Variants in RNF150 observed in about 807,000 individuals in gnomAD.
The protein encoded by RNF150 is ring finger protein 150.
A neutral mutation model predicts 39.3 loss-of-function variants in RNF150; 24 were observed. The observed-to-expected ratio is 0.61, with a 90% CI of 0.44 to 0.86. RNF150 has a LOEUF of 0.86. Ranked by LOEUF, RNF150 falls within the 40% of genes least tolerant of loss-of-function variation. The pLI, the probability that RNF150 is intolerant of heterozygous loss-of-function variation, is 0.00. For missense variants in RNF150, 502 were observed against 587.8 expected, an observed-to-expected ratio of 0.85 and a Z score of 1.51; for synonymous variants, 255 against 227.3, an observed-to-expected ratio of 1.12 and a Z score of -1.10.
intron 5 of RNF150, 77 bp from the exon 6 acceptor site, chr4:140,911,431 T>C (rs1730602240): frequency 2.4e-6 from 3 of 1,232,706 alleles, no homozygotes; most frequent in South Asian, 3.0e-5. Context: ...CTAAACATTC[T>C]GTCTCCATGA....
chr4:141,196,465 T>C (rs1415905024), intron 1 of RNF150, among the ~76,000 whole-genome samples: 3 of 152,200 alleles, frequency 2.0e-5, no homozygotes, highest in African/African-American at 7.2e-5. Flanking sequence ...TCCTGCCACC[T>C]AGATATTCAG....
rs1455758586 is a variant in RNF150, at chr4:141,183,602, A to ATG, written c.-6+29190_-6+29191dup. Among the ~76,000 whole-genome samples the ATG allele has an allele frequency of 3.9e-5, 6 of 152,142 alleles. No individual in the cohort carries two copies. In the South Asian group the frequency reaches 8.3e-4, roughly 21 times the overall value. On this transcript the variant is annotated intron_variant, in intron 1 of 7. Transcript: ENST00000420921. ...TGCAGAATGTGCAGGTTTGTTATAT[A>ATG]TGTATACATGTGCCATGGTACTGTT...
At chr4:140,870,595 T>C (rs901887362) in intron 6 of RNF150, among the ~76,000 whole-genome samples, 2 of 151,908 alleles carry the variant, frequency 1.3e-5, no homozygotes, top group African/African-American at 2.4e-5. Context: ...CATGCCTGAT[T>C]TGTGCTTGTT....
chr4:141,073,134 G>T (rs966536524), intron 1 of RNF150, among the ~76,000 whole-genome samples: 1 of 151,912 alleles, frequency 6.6e-6, no homozygotes, highest in African/African-American at 2.4e-5. Flanking sequence ...ATGGTACCAA[G>T]TAGAAGACAG....
intron 1 of RNF150, among the ~76,000 whole-genome samples, chr4:141,061,595 T>C (rs940130291): frequency 6.6e-6 from 1 of 152,204 alleles, no homozygotes; most frequent in Non-Finnish European, 1.5e-5. Context: ...CCATACTCAC[T>C]GCAAGAGACA....
At chr4:141,171,261 A>G (rs1469461145) in intron 1 of RNF150, among the ~76,000 whole-genome samples, 3 of 152,204 alleles carry the variant, frequency 2.0e-5, no homozygotes, top group Admixed American at 1.3e-4. Context: ...ACTGGACCCT[A>G]GATCTTCTCA....
At chr4:141,172,324 T>A (rs929794224) in intron 1 of RNF150, among the ~76,000 whole-genome samples, 1 of 152,118 alleles carries the variant, frequency 6.6e-6, no homozygotes, top group African/African-American at 2.4e-5. Flanking sequence ...CCCTTTTCTC[T>A]ACATGTCATT....
At chr4:141,138,101 G>C (rs764542204), upstream of RNF150, among the ~76,000 whole-genome samples, 11 of 152,174 alleles carry the variant, frequency 7.2e-5, no homozygotes, top group Non-Finnish European at 1.6e-4. Flanking sequence ...CGCTGCTTTT[G>C]CTTCTTGCCA....
At chr4:141,007,316 A>T (rs1734904355) in intron 1 of RNF150, among the ~76,000 whole-genome samples, 1 of 152,220 alleles carries the variant, frequency 6.6e-6, no homozygotes, top group Non-Finnish European at 1.5e-5. Flanking sequence ...CCTCCTTGAA[A>T]GTGAAAGGCC....
intron 1 of RNF150, among the ~76,000 whole-genome samples, chr4:141,070,827 T>C (rs1023078130): frequency 2.0e-4 from 30 of 150,886 alleles, no homozygotes; most frequent in African/African-American, 6.6e-4. Context: ...AGTGTGGTGA[T>C]TCCTCAGGGA....
intron 1 of RNF150, among the ~76,000 whole-genome samples, chr4:140,976,433 C>G (rs1178983418): frequency 6.6e-6 from 1 of 151,950 alleles, no homozygotes. Context: ...GATGACCCAG[C>G]CAGTACTCGA....
intron 1 of RNF150, among the ~76,000 whole-genome samples, chr4:141,090,895 T>C (rs543277514): frequency 6.6e-6 from 1 of 152,294 alleles, no homozygotes; most frequent in East Asian, 1.9e-4. Context: ...ATTTGAAAAT[T>C]TTAAATAAAA....
intron 6 of RNF150, among the ~76,000 whole-genome samples, chr4:140,890,768 A>C (rs1729729203): frequency 6.6e-6 from 1 of 152,256 alleles, no homozygotes; most frequent in Non-Finnish European, 1.5e-5. Flanking sequence ...ATTTGATGAT[A>C]GCAGCCTGAT....
chr4:140,995,434 T>C (rs1734331158), intron 1 of RNF150, among the ~76,000 whole-genome samples: 1 of 152,114 alleles, frequency 6.6e-6, no homozygotes, highest in South Asian at 2.1e-4. Context: ...AAGGTGTAGA[T>C]TATGCAGAAA....
In RNF150 at chr4:141,124,806, A is replaced by G. The variant is rs577986741; in HGVS notation, c.484+7519T>C. Among the ~76,000 whole-genome samples, 5 of 152,348 alleles carry G rather than the reference A, an allele frequency of 3.3e-5. No individual in the cohort carries two copies. In the East Asian group the frequency reaches 9.6e-4, roughly 29 times the overall value. On this transcript the variant is annotated intron_variant, in intron 1 of 6. Coordinates refer to ENST00000515673, the MANE Select transcript of RNF150 (RefSeq NM_020724.2). ...TTCCTGATAATCCTTCTTACCTAAT[A>G]TATGTACTCATATCTGTCTGCCTAG... is the stretch of plus-strand genomic sequence containing the variant.
chr4:140,907,335 T>C (rs1385661182), intron 6 of RNF150, among the ~76,000 whole-genome samples: 2 of 152,214 alleles, frequency 1.3e-5, no homozygotes, highest in East Asian at 1.9e-4. Context: ...TTAAAAAATA[T>C]GTACTTAAAA....
chr4:141,123,914 G>T (rs1726683247), intron 1 of RNF150, among the ~76,000 whole-genome samples: 1 of 152,180 alleles, frequency 6.6e-6, no homozygotes, highest in African/African-American at 2.4e-5. Flanking sequence ...GTATTCCATG[G>T]TGTGTATGTG....
At position 140,863,563 on chromosome 4, in the gene RNF150, G is replaced by T. The variant is rs1276580944; in HGVS notation, c.*4698C>A. On this transcript the variant is annotated 3_prime_UTR_variant, in exon 7 of 7. Transcript: ENST00000515673. Reference sequence around the variant, plus strand: ...ACCTCCAGTTTTTTGTGTTCTGAAGGTTATTTCAGAGTTTCTTGCAAGAGA... The same window carrying T: ...ACCTCCAGTTTTTTGTGTTCTGAAGTTTATTTCAGAGTTTCTTGCAAGAGA... The T allele has an allele frequency of 1.3e-5, 2 of 152,136 alleles. No homozygotes were observed. The highest frequency in any genetic ancestry group is 6.5e-5 in the Admixed American group (1 of 15,272). 9.4% of individuals were successfully genotyped at this position (152,136 alleles called of 1,614,324 possible). A position where few individuals can be genotyped will look rare whatever the true frequency, so the allele number is the denominator to read the frequency against.
At chr4:141,155,726 T>C (rs1227386770) in intron 1 of RNF150, among the ~76,000 whole-genome samples, 1 of 152,100 alleles carries the variant, frequency 6.6e-6, no homozygotes, top group Non-Finnish European at 1.5e-5. Flanking sequence ...CACAAAGACA[T>C]GCAGTGCCCA....
Sources: allele counts gnomAD v4.1 joint callset (sites outside exome capture counted in the v4.1 genomes callset), GRCh38; gene constraint gnomAD v4.1.1; transcripts MANE v1.5; gene names NCBI Gene and HGNC (gene_info 2026-07-23, HGNC 2026-07-21).